The following GCNT2 variants were observed in gnomAD, a reference collection of about 807,000 sequenced individuals.
GCNT2 encodes N-acetyllactosaminide beta-1,6-N-acetylglucosaminyl-transferase.
A neutral mutation model predicts 34.2 loss-of-function variants in GCNT2; 34 were observed. That is an observed-to-expected ratio of 1.00 (90% CI 0.76 to 1.32). The LOEUF (loss-of-function observed/expected upper bound fraction) is 1.32. GCNT2 is among the 40% of genes most tolerant of loss of function. The pLI, the probability that GCNT2 is intolerant of heterozygous loss-of-function variation, is 0.00. For synonymous variants in GCNT2, 212 were observed against 188.0 expected (o/e 1.13, Z -1.04); for missense variants, 584 against 489.4 (o/e 1.19, Z -1.82).
rs897678560 is a variant in GCNT2, at chr6:10,629,018, T to C, written c.*2411T>C. 1.3e-5 allele frequency: 2 copies of C among 152,654 alleles called. No homozygotes were observed. The highest frequency in any genetic ancestry group is 4.8e-5 in the African/African-American group (2 of 41,462). The allele number at this position is 152,654 out of a possible 1,614,324, so 9.5% of individuals were successfully genotyped here. A position where few individuals can be genotyped will look rare whatever the true frequency, so the allele number is the denominator to read the frequency against. ...GCCTGGGTGACAGAGCGAGACTTTGTCCCAAAACAAAATAGGTGAGGGGAT... is the reference window on the plus strand; with the variant it reads ...GCCTGGGTGACAGAGCGAGACTTTGCCCCAAAACAAAATAGGTGAGGGGAT... On this transcript the variant is annotated 3_prime_UTR_variant, in exon 5 of 5. Coordinates refer to ENST00000495262, the MANE Select transcript of GCNT2 (RefSeq NM_145649.5).
intron 3 of GCNT2, among the ~76,000 whole-genome samples, chr6:10,583,131 G>A (rs925615001): frequency 4.6e-5 from 7 of 152,172 alleles, no homozygotes; most frequent in African/African-American, 1.7e-4. Flanking sequence ...GTGCTCATCT[G>A]TAAAAATAAC....
chr6:10,622,957 G>A (rs1292605395), intron 4 of GCNT2, among the ~76,000 whole-genome samples: 1 of 151,934 alleles, frequency 6.6e-6, no homozygotes, highest in Non-Finnish European at 1.5e-5. Flanking sequence ...GCTTCACCAT[G>A]TTGGCCAGGA....
intron 3 of GCNT2, among the ~76,000 whole-genome samples, chr6:10,548,765 CTTTT>C (rs55678541): frequency 6.9e-6 from 1 of 145,710 alleles, no homozygotes; most frequent in Non-Finnish European, 1.5e-5. Context: ...ATTTGGAGAC[CTTTT>C]TTTTTTTTTG....
At chr6:10,548,305 A>T (rs1762350189) in intron 3 of GCNT2, among the ~76,000 whole-genome samples, 3 of 152,228 alleles carry the variant, frequency 2.0e-5, no homozygotes, top group Non-Finnish European at 4.4e-5. Flanking sequence ...TTTTCTGTGA[A>T]GCAGATCTGG....
At chr6:10,579,397 ATGTT>A (rs754874277) in intron 3 of GCNT2, among the ~76,000 whole-genome samples, 5 of 152,198 alleles carry the variant, frequency 3.3e-5, no homozygotes, top group African/African-American at 7.2e-5. Context: ...GTTTCACTAA[ATGTT>A]TGTATTCTGC....
Position 10,579,826 on chromosome 6 carries a change from CAAAAAA to C in GCNT2, c.926-41508_926-41503del, listed in dbSNP as rs61490868. Among the ~76,000 whole-genome samples, 398 of 89,914 alleles carry C rather than the reference CAAAAAA, an allele frequency of 4.4e-3. 1 individual carries two copies. The highest frequency in any genetic ancestry group is 6.0e-3 in the Non-Finnish European group (295 of 48,820). The allele number at this position is 89,914 out of a possible 152,430, so 59.0% of individuals were successfully genotyped here. ...GCGAGACTCCATCTCAAAAAACAAA[CAAAAAA>C]AAAAAAAAAAAAAAAACAAGTAATA... On this transcript the variant is annotated intron_variant, in intron 3 of 4. Transcript: ENST00000495262.
chr6:10,523,688 C>G (rs1445030647), intron 1 of GCNT2, among the ~76,000 whole-genome samples: 1 of 151,860 alleles, frequency 6.6e-6, no homozygotes, highest in Non-Finnish European at 1.5e-5. Context: ...CTTGAAAAAC[C>G]AAGGCCGGGC....
intron 3 of GCNT2, among the ~76,000 whole-genome samples, chr6:10,588,532 C>T (rs1258900407): frequency 6.6e-6 from 1 of 152,120 alleles, no homozygotes; most frequent in Non-Finnish European, 1.5e-5. Context: ...GAAGTGTGAG[C>T]CGTTTCTCTT....
chr6:10,563,936 A>G (rs1033855060), intron 3 of GCNT2, among the ~76,000 whole-genome samples: 6 of 151,934 alleles, frequency 3.9e-5, no homozygotes, highest in Admixed American at 2.0e-4. Context: ...TGAATTCTTC[A>G]TTGAATGATT....
chr6:10,591,534 A>T (rs974933366), intron 3 of GCNT2, among the ~76,000 whole-genome samples: 1 of 152,218 alleles, frequency 6.6e-6, no homozygotes, highest in Admixed American at 6.5e-5. Flanking sequence ...CACACAGCCA[A>T]CCTGGGCCCA....
intron 3 of GCNT2, among the ~76,000 whole-genome samples, chr6:10,618,116 C>G (rs1282871490): frequency 6.6e-6 from 1 of 152,160 alleles, no homozygotes; most frequent in Non-Finnish European, 1.5e-5. Flanking sequence ...AAGAGCCACA[C>G]TCAAAAAGCA....
rs1428589250 is a variant in GCNT2, at chr6:10,626,281, C to G, written c.1019-136C>G. ...CAGTTCTTTGTGGGCTGAGACTGCA[C>G]AATCATATTTCATTTGAATCCTGTA... On this transcript the variant is annotated intron_variant, in intron 4 of 4. Transcript: ENST00000495262. The G allele has an allele frequency of 6.9e-6, 5 of 724,888 alleles. No individual in the cohort carries two copies. In the Admixed American group the frequency reaches 9.9e-5, roughly 14 times the overall value. The allele number at this position is 724,888 out of a possible 1,614,324, so 44.9% of individuals were successfully genotyped here. A position where few individuals can be genotyped will look rare whatever the true frequency, so the allele number is the denominator to read the frequency against.
In GCNT2 at chr6:10,559,528, C is replaced by A. The variant is rs371997892; in HGVS notation, c.925+29692C>A. 1.3e-4 allele frequency among the ~76,000 whole-genome samples: 20 copies of A among 152,362 alleles called. No homozygotes were observed. The East Asian group carries it at 3.1e-3, about 24-fold the overall frequency. On this transcript the variant is annotated intron_variant, in intron 3 of 4. Coordinates refer to ENST00000495262, the MANE Select transcript of GCNT2 (RefSeq NM_145649.5). The stretch of plus-strand genomic sequence containing the variant: ...AAGACCCCTTTCATTCCTACACATA[C>A]CTTTCTTTGCAGAAGACACAATGCC...
intron 3 of GCNT2, among the ~76,000 whole-genome samples, chr6:10,588,548 A>G (rs1367514395): frequency 1.3e-5 from 2 of 152,188 alleles, no homozygotes; most frequent in Non-Finnish European, 2.9e-5. Flanking sequence ...CTCTTGCACT[A>G]GGAAAAGAAG....
At chr6:10,530,151 C>G (rs1368238091) in intron 3 of GCNT2, 1 of 284,184 alleles carries the variant, frequency 3.5e-6, no homozygotes, top group African/African-American at 2.2e-5. Flanking sequence ...CACTTGAGGT[C>G]AGGAGTTTGA....
intron 3 of GCNT2, among the ~76,000 whole-genome samples, chr6:10,613,214 G>A (rs57323171): frequency 0.13 from 19,743 of 152,092 alleles, 2,054 homozygotes; most frequent in African/African-American, 0.29. Flanking sequence ...AAAGAATCAT[G>A]TTTAACAAAC....
chr6:10,549,561 C>CTTTTTTTTTTTTT (rs1425642393), intron 3 of GCNT2, among the ~76,000 whole-genome samples: 2 of 111,296 alleles, frequency 1.8e-5, no homozygotes, highest in African/African-American at 4.2e-5. Context: ...CAATCTCTCT[C>CTTTTTTTTTTTTT]TCTTTTTTTT....
chr6:10,592,414 G>A (rs1764690076), intron 3 of GCNT2, among the ~76,000 whole-genome samples: 1 of 152,174 alleles, frequency 6.6e-6, no homozygotes, highest in Non-Finnish European at 1.5e-5. Context: ...ATTCAGGTAG[G>A]ATCACAGGGG....
chr6:10,608,168 C>A (rs931472135), intron 3 of GCNT2, among the ~76,000 whole-genome samples: 4 of 150,986 alleles, frequency 2.6e-5, no homozygotes, highest in African/African-American at 9.8e-5. Context: ...ATCTCTGCCT[C>A]CCGGGTTCAA....
Sources: gnomAD v4.1 joint callset for allele counts (sites outside exome capture counted in the v4.1 genomes callset) on GRCh38, gnomAD v4.1.1 for gene constraint, MANE v1.5 for transcripts, NCBI Gene and HGNC (gene_info 2026-07-23, HGNC 2026-07-21) for gene names.